Variants in TARS2 observed in about 807,000 individuals in gnomAD.
TARS2 encodes the protein threonyl-tRNA synthetase 2, mitochondrial.
TARS2 carries 61 observed loss-of-function variants against 94.4 expected under a neutral mutation model. The observed-to-expected ratio is 0.65, with a 90% confidence interval of 0.53 to 0.80. The LOEUF is 0.80. Among genes scored for constraint, TARS2 ranks in the 30% least tolerant of loss-of-function variants. TARS2 has a pLI of 0.00. For missense variants in TARS2, 704 were observed against 902.5 expected, an observed-to-expected ratio of 0.78 and a Z score of 2.82; for synonymous variants, 359 against 353.4, an observed-to-expected ratio of 1.02 and a Z score of -0.18.
At chr1:150,489,391 T>C in intron 3 of TARS2, 1 of 380,346 alleles carries the variant, frequency 2.6e-6, no homozygotes, top group East Asian at 6.7e-5. Context: ...ATAAGTCATC[T>C]GTAGTGTATA....
chr1:150,498,175 T>C (rs1669756597), intron 10 of TARS2, among the ~76,000 whole-genome samples: 1 of 152,034 alleles, frequency 6.6e-6, no homozygotes, highest in Admixed American at 6.6e-5. Context: ...TAGCTAACCA[T>C]GTAAATTTGG....
At position 150,506,484 on chromosome 1, in the gene TARS2, GCGCACACACA is replaced by G. The variant is rs1259387722; in HGVS notation, c.2009-430_2009-421del. Among the ~76,000 whole-genome samples, 519 of 93,526 alleles carry G rather than the reference GCGCACACACA, an allele frequency of 5.5e-3. 12 individuals carry two copies. Among genetic ancestry groups the G allele is most frequent in the Non-Finnish European group, 8.9e-3 (396 of 44,510 alleles). The allele number at this position is 93,526 out of a possible 152,430, so 61.4% of individuals were successfully genotyped here. ...TCTAATACCCCCTTCAGACACGCGCGCGCACACACACACACACACACACACACACACAGTT... is the reference window on the plus strand; with the variant it reads ...TCTAATACCCCCTTCAGACACGCGCGCACACACACACACACACACACAGTT... On this transcript the variant is annotated intron_variant, in intron 17 of 17. Coordinates refer to ENST00000369064, the MANE Select transcript of TARS2 (RefSeq NM_025150.5).
chr1:150,499,989 A>C (rs1040501091), intron 13 of TARS2, among the ~76,000 whole-genome samples: 7 of 151,240 alleles, frequency 4.6e-5, no homozygotes, highest in African/African-American at 1.7e-4. Flanking sequence ...TGGGCAACAC[A>C]GGGAGACCCT....
At chr1:150,503,585 A>ATATATATG (rs1461714331) in intron 13 of TARS2, among the ~76,000 whole-genome samples, 6 of 137,174 alleles carry the variant, frequency 4.4e-5, no homozygotes, top group African/African-American at 1.7e-4. Context: ...GTGTATATAT[A>ATATATATG]TGTGTGTGTG....
At position 150,491,579 on chromosome 1, in the gene TARS2, C is replaced by G; in HGVS notation, c.631-19C>G. On this transcript the variant is annotated intron_variant, in intron 5 of 17. Transcript: ENST00000369064. The stretch of plus-strand genomic sequence containing the variant: ...GGGAATAAACACTTTTCTTCAATCT[C>G]CCTTCTACCTTTTTCCAGGATAACC... The G allele has an allele frequency of 6.2e-7, 1 of 1,614,144 alleles. No individual in the cohort carries two copies. The highest frequency in any genetic ancestry group is 8.5e-7 in the Non-Finnish European group (1 of 1,180,026).
In TARS2 at chr1:150,497,646, GC is replaced by G; in HGVS notation, c.1142del (p.Pro381GlnfsTer27). ...ATCAGGAAGACATGTTTGCCGTGCAGCCCCCAGGCTCTGACAGGCCTCCCAG... is the reference window on the plus strand; with the variant it reads ...ATCAGGAAGACATGTTTGCCGTGCAGCCCCAGGCTCTGACAGGCCTCCCAG... ...HYQEDMFAVQ[P>X]PGSDRPPSSQ... On this transcript the variant is annotated frameshift_variant, in exon 10 of 18. Coordinates refer to ENST00000369064, the MANE Select transcript of TARS2 (RefSeq NM_025150.5). LOFTEE classifies it high-confidence loss of function. The G allele has an allele frequency of 1.9e-6, 3 of 1,614,162 alleles. No homozygotes were observed. Among genetic ancestry groups the G allele is most frequent in the Non-Finnish European group, 1.7e-6 (2 of 1,180,034 alleles).
rs1195385317 is a variant in TARS2 at position 150,491,580 on chromosome 1, C to T, written c.631-18C>T. 3.7e-5 allele frequency: 60 copies of T among 1,614,024 alleles called. No individual in the cohort carries two copies. Among genetic ancestry groups the T allele is most frequent in the Non-Finnish European group, 4.8e-5 (57 of 1,180,050 alleles). On this transcript the variant is annotated intron_variant, in intron 5 of 17. Coordinates refer to ENST00000369064, the MANE Select transcript of TARS2 (RefSeq NM_025150.5). ...GGAATAAACACTTTTCTTCAATCTCCCTTCTACCTTTTTCCAGGATAACCC... is the reference window on the plus strand; with the variant it reads ...GGAATAAACACTTTTCTTCAATCTCTCTTCTACCTTTTTCCAGGATAACCC...
intron 13 of TARS2, among the ~76,000 whole-genome samples, chr1:150,500,586 A>T (rs587725794): frequency 2.0e-5 from 3 of 150,512 alleles, no homozygotes; most frequent in African/African-American, 4.9e-5. Flanking sequence ...ACTCCGTCCC[A>T]AAAAGTAAAA....
At chr1:150,490,499 A>G (rs1408253076) in intron 3 of TARS2, 102 bp from the exon 4 acceptor site, 3 of 1,487,390 alleles carry the variant, frequency 2.0e-6, no homozygotes, top group African/African-American at 2.9e-5. Flanking sequence ...TCCTAGAAGA[A>G]CCATACCGGC....
In TARS2 at chr1:150,490,847, A is replaced by G. The variant is rs370440486; in HGVS notation, c.512+122A>G. The G allele has an allele frequency of 8.7e-6, 12 of 1,383,740 alleles. No individual in the cohort carries two copies. In the African/African-American group the frequency reaches 1.5e-4, roughly 17 times the overall value. The allele number at this position is 1,383,740 out of a possible 1,614,324, so 85.7% of individuals were successfully genotyped here. A position where few individuals can be genotyped will look rare whatever the true frequency, so the allele number is the denominator to read the frequency against. On this transcript the variant is annotated intron_variant, in intron 4 of 17. Transcript: ENST00000369064. ...AGGAGAAGGGTTTCTCTAGGTCTCA[A>G]CTATGACATTAGTATCTCCTTCTGT... is the stretch of plus-strand genomic sequence containing the variant.
intron 3 of TARS2, among the ~76,000 whole-genome samples, chr1:150,490,180 G>A (rs1423249562): frequency 2.9e-5 from 4 of 138,962 alleles, no homozygotes; most frequent in African/African-American, 5.6e-5. Context: ...GTGCAGTGGC[G>A]CGATCTTGGT....
chr1:150,499,124 C>T (rs1669798646), intron 12 of TARS2, 90 bp downstream of exon 12: 2 of 1,610,264 alleles, frequency 1.2e-6, no homozygotes, highest in East Asian at 2.2e-5. Flanking sequence ...TCAGAGGCAT[C>T]TGGTGAGTGG....
Position 150,498,490 on chromosome 1 carries a change from C to T in TARS2, c.1239-12C>T. 6.4e-7 allele frequency: 1 copy of T among 1,563,488 alleles called. No homozygotes were observed. The highest frequency in any genetic ancestry group is 8.6e-7 in the Non-Finnish European group (1 of 1,160,092). The stretch of plus-strand genomic sequence containing the variant: ...TCCCTATGGCCCTGACCCCTCTGCA[C>T]CCCAACCTCAGCCTGATGTTCGCCC... On this transcript the variant is annotated splice_polypyrimidine_tract_variant and intron_variant, in intron 10 of 17. Coordinates refer to ENST00000369064, the MANE Select transcript of TARS2 (RefSeq NM_025150.5).
intron 13 of TARS2, among the ~76,000 whole-genome samples, chr1:150,503,243 G>A (rs1354234724): frequency 1.3e-5 from 2 of 152,216 alleles, no homozygotes; most frequent in African/African-American, 4.8e-5. Flanking sequence ...AGATGTAGGA[G>A]GCTAAGGTGC....
At chr1:150,498,141 GA>G (rs202043470) in intron 10 of TARS2, among the ~76,000 whole-genome samples, 1,767 of 150,782 alleles carry the variant, frequency 0.012, 20 homozygotes, top group Middle Eastern at 0.038. Flanking sequence ...TTGGGACACC[GA>G]TTTGAGCCTA....
chr1:150,503,357 A>T (rs921398185), intron 13 of TARS2, among the ~76,000 whole-genome samples: 3 of 151,986 alleles, frequency 2.0e-5, no homozygotes, highest in Non-Finnish European at 2.9e-5. Context: ...GAAAAAGAGG[A>T]GTTAAAGAAC....
At chr1:150,492,243 C>A in intron 6 of TARS2, 168 bp from the exon 7 acceptor site, 1 of 629,034 alleles carries the variant, frequency 1.6e-6, no homozygotes, top group Non-Finnish European at 2.7e-6. Flanking sequence ...GGATTATAGA[C>A]ATGAGCCACC....
chr1:150,496,385 C>T (rs1669663526), intron 7 of TARS2, 97 bp from the exon 8 acceptor site: 1 of 1,426,052 alleles, frequency 7.0e-7, no homozygotes, highest in African/African-American at 1.4e-5. Flanking sequence ...AAGAGGCATA[C>T]CTGTGACACT....
At chr1:150,505,505 G>C in intron 16 of TARS2, 86 bp from the exon 17 acceptor site, 1 of 1,169,368 alleles carries the variant, frequency 8.6e-7, no homozygotes. Context: ...GAACAGATGG[G>C]GGCATTGAGG....
Sources: allele counts gnomAD v4.1 joint callset (sites outside exome capture counted in the v4.1 genomes callset), GRCh38; gene constraint gnomAD v4.1.1; transcripts MANE v1.5; gene names NCBI Gene and HGNC (gene_info 2026-07-23, HGNC 2026-07-21).